The following NPAS2 variants were observed in gnomAD, a reference collection of about 807,000 sequenced individuals.
NPAS2 encodes neuronal PAS domain-containing protein 2.
NPAS2 carries 23 observed loss-of-function variants against 107.5 expected under a neutral mutation model. The ratio of observed to expected loss-of-function variants is 0.21; its 90% CI spans 0.15 to 0.30. The LOEUF (loss-of-function observed/expected upper bound fraction) is 0.30, where lower values mean the gene tolerates loss of function less well. NPAS2 is among the 10% of genes least tolerant of loss of function. The pLI, the probability that NPAS2 is intolerant of heterozygous loss-of-function variation, is 1.00. For missense variants in NPAS2, 756 were observed against 1,043.3 expected (o/e 0.72, Z 3.79); for synonymous variants, 403 against 417.5 (o/e 0.97, Z 0.42).
At chr2:100,850,781 C>T (rs548544558) in intron 1 of NPAS2, among the ~76,000 whole-genome samples, 13 of 151,534 alleles carry the variant, frequency 8.6e-5, no homozygotes, top group South Asian at 2.1e-4. Flanking sequence ...GGTGAAACCC[C>T]GTCTCTACAA....
At chr2:100,834,251 C>T (rs913344995) in intron 1 of NPAS2, among the ~76,000 whole-genome samples, 21 of 152,304 alleles carry the variant, frequency 1.4e-4, no homozygotes, top group East Asian at 5.8e-4. Flanking sequence ...GCTCAGCCGG[C>T]GCACTCTCCA....
chr2:100,959,099 A>AC (rs1675758730), intron 7 of NPAS2, among the ~76,000 whole-genome samples: 1 of 106,362 alleles, frequency 9.4e-6, no homozygotes, highest in African/African-American at 3.6e-5. Flanking sequence ...CAAAAAAAAA[A>AC]AAAAAAAAAA....
At chr2:100,975,653 C>G in intron 14 of NPAS2, 86 bp downstream of exon 14, 1 of 971,312 alleles carries the variant, frequency 1.0e-6, no homozygotes, top group Non-Finnish European at 1.5e-6. Flanking sequence ...TGCGTCTCCC[C>G]AGAGAATCCG....
At chr2:100,928,599 C>T (rs959197537) in intron 3 of NPAS2, among the ~76,000 whole-genome samples, 6 of 152,184 alleles carry the variant, frequency 3.9e-5, no homozygotes, top group Non-Finnish European at 8.8e-5. Context: ...GCACAACCTG[C>T]TTAAACACAA....
At position 100,831,637 on chromosome 2, in the gene NPAS2, T is replaced by C. The variant is rs187946738; in HGVS notation, c.-23+11223T>C. 3.7e-4 allele frequency among the ~76,000 whole-genome samples: 56 copies of C among 152,304 alleles called. 1 individual carries two copies. The highest frequency in any genetic ancestry group is 1.3e-3 in the African/African-American group (56 of 41,566). On this transcript the variant is annotated intron_variant, in intron 1 of 20. Transcript: ENST00000335681. ...ATGGTCAGAGAGAATTTTCCTTTTA[T>C]GGCCTCCCCCCTTTCCCCTTCATAG...
rs191440502 is a variant in NPAS2, at chr2:100,856,230, A to G, written c.-23+35816A>G. On this transcript the variant is annotated intron_variant, in intron 1 of 20. Transcript: ENST00000335681. ...CAGTAAAAGTCAGACAAGACCATCCATTAGGATTTAAGTGTCACGTGTTTA... is the reference window on the plus strand; with the variant it reads ...CAGTAAAAGTCAGACAAGACCATCCGTTAGGATTTAAGTGTCACGTGTTTA... 4.6e-5 allele frequency among the ~76,000 whole-genome samples: 7 copies of G among 152,356 alleles called. No individual in the cohort carries two copies. The East Asian group carries it at 1.3e-3, about 29-fold the overall frequency.
chr2:100,977,623 G>T, intron 14 of NPAS2, 87 bp from the exon 15 acceptor site: 1 of 1,153,976 alleles, frequency 8.7e-7, no homozygotes, highest in Admixed American at 1.7e-5. Flanking sequence ...AGTGCGGAAC[G>T]CAGAGAACCC....
chr2:100,823,250 C>T (rs1676180884), intron 1 of NPAS2, among the ~76,000 whole-genome samples: 2 of 151,940 alleles, frequency 1.3e-5, no homozygotes. Flanking sequence ...TAAATATGAG[C>T]GTATGTTTAA....
At position 100,948,109 on chromosome 2, in the gene NPAS2, A is replaced by T. The variant is rs1245778298; in HGVS notation, c.364-126A>T. ...TGATAAACTGAGAGTGTCCACAGAA[A>T]ATCAGATATTGAACTTTCCATTTCA... On this transcript the variant is annotated intron_variant, in intron 5 of 20. Coordinates refer to ENST00000335681, the MANE Select transcript of NPAS2 (RefSeq NM_002518.4). The T allele has an allele frequency of 7.7e-6, 8 of 1,037,998 alleles. No homozygotes were observed. The African/African-American group carries it at 9.7e-5, about 13-fold the overall frequency. 64.3% of individuals were successfully genotyped at this position (1,037,998 alleles called of 1,614,324 possible).
intron 1 of NPAS2, among the ~76,000 whole-genome samples, chr2:100,897,359 C>T (rs1361680788): frequency 1.3e-5 from 2 of 152,186 alleles, no homozygotes; most frequent in African/African-American, 2.4e-5. Flanking sequence ...GTGTCTGCTG[C>T]AGGCCAGACT....
chr2:100,956,955 G>A (rs1289051971), intron 7 of NPAS2, among the ~76,000 whole-genome samples: 1 of 152,212 alleles, frequency 6.6e-6, no homozygotes, highest in Admixed American at 6.5e-5. Context: ...GTTCCCCAGT[G>A]GAGGATGCCC....
At chr2:100,907,128 C>G (rs779481035) in intron 2 of NPAS2, among the ~76,000 whole-genome samples, 3 of 152,138 alleles carry the variant, frequency 2.0e-5, no homozygotes, top group Non-Finnish European at 4.4e-5. Context: ...AGTCCCATCC[C>G]TGCCTCTCTC....
chr2:100,935,398 G>T (rs977832185), intron 4 of NPAS2, among the ~76,000 whole-genome samples: 7 of 152,146 alleles, frequency 4.6e-5, no homozygotes, highest in African/African-American at 1.4e-4. Context: ...GGCACCTTTG[G>T]AAACACCCCA....
chr2:100,976,258 C>T lies in NPAS2; in HGVS notation c.1392+691C>T, dbSNP rs954761293. On this transcript the variant is annotated intron_variant, in intron 14 of 20. Transcript: ENST00000335681. The surrounding 1 kb of genome is among the most constrained non-coding windows in gnomAD (Gnocchi z 4.1). ...TGTCTGCACATGAATGTCCAGCAGC[C>T]GGGCTGGGTGGCTGAGGGCTGGGCT... is the stretch of plus-strand genomic sequence containing the variant. Among the ~76,000 whole-genome samples the T allele has an allele frequency of 4.6e-5, 7 of 151,974 alleles. No homozygotes were observed. The highest frequency in any genetic ancestry group is 3.2e-3 in the Middle Eastern group (1 of 316).
chr2:100,930,374 C>G (rs1683857211), intron 3 of NPAS2, among the ~76,000 whole-genome samples: 1 of 152,130 alleles, frequency 6.6e-6, no homozygotes, highest in Admixed American at 6.5e-5. Flanking sequence ...CACATACATC[C>G]CAAACATATA....
intron 1 of NPAS2, among the ~76,000 whole-genome samples, chr2:100,845,930 A>G (rs1677745834): frequency 6.6e-6 from 1 of 152,196 alleles, no homozygotes; most frequent in Admixed American, 6.5e-5. Flanking sequence ...ATTATTCCAA[A>G]CCACTCTGGA....
At chr2:100,937,123 T>C (rs764114342) in intron 4 of NPAS2, among the ~76,000 whole-genome samples, 5 of 152,078 alleles carry the variant, frequency 3.3e-5, no homozygotes, top group Non-Finnish European at 7.3e-5. Flanking sequence ...TTCAAATGCA[T>C]GGATTTTTCA....
At chr2:100,841,598 T>G (rs1299895005) in intron 1 of NPAS2, among the ~76,000 whole-genome samples, 1 of 152,190 alleles carries the variant, frequency 6.6e-6, no homozygotes, top group Non-Finnish European at 1.5e-5. Flanking sequence ...GGCTGGTGAC[T>G]AGTTGATGTG....
intron 1 of NPAS2, among the ~76,000 whole-genome samples, chr2:100,832,378 G>A (rs754825863): frequency 1.3e-5 from 2 of 152,192 alleles, no homozygotes; most frequent in Non-Finnish European, 2.9e-5. Flanking sequence ...CGGTTGCCAT[G>A]TTGTACCTGC....
Sources: allele counts gnomAD v4.1 joint callset (sites outside exome capture counted in the v4.1 genomes callset), GRCh38; gene constraint gnomAD v4.1.1; non-coding constraint Gnocchi (gnomAD v3.1); transcripts MANE v1.5; gene names NCBI Gene and HGNC (gene_info 2026-07-23, HGNC 2026-07-21).